ZNF804A: variants seen among roughly 807,000 people sequenced by gnomAD.
ZNF804A encodes zinc finger protein 804A.
A neutral mutation model predicts 16.5 loss-of-function variants in ZNF804A; 2 were observed. The observed-to-expected ratio is 0.12, with a 90% CI of 0.05 to 0.38. ZNF804A has a LOEUF of 0.38. Ranked by LOEUF, ZNF804A falls within the 10% of genes least tolerant of loss-of-function variation. ZNF804A has a pLI of 0.99. For synonymous variants in ZNF804A, 534 were observed against 489.6 expected (o/e 1.09, Z -1.20); for missense variants, 1,473 against 1,390.7 (o/e 1.06, Z -0.94).
chr2:184,898,004 C>A (rs988631682), intron 2 of ZNF804A, among the ~76,000 whole-genome samples: 6 of 152,074 alleles, frequency 3.9e-5, no homozygotes, highest in African/African-American at 1.4e-4. Context: ...TATTGCTAAG[C>A]TTTTCAGCTA....
In ZNF804A at chr2:184,736,454, C is replaced by T. The variant is rs147022139; in HGVS notation, c.112-129915C>T. On this transcript the variant is annotated intron_variant, in intron 1 of 3. Coordinates refer to ENST00000302277, the MANE Select transcript of ZNF804A (RefSeq NM_194250.2). ...AATGAGATCATGTCCTTTGCAGAGA[C>T]GTGGATGAAGCTGGAAATCATCATC... Among the ~76,000 whole-genome samples the T allele has an allele frequency of 4.2e-3, 636 of 152,156 alleles. 2 individuals carry two copies. Among genetic ancestry groups the T allele is most frequent in the Non-Finnish European group, 7.4e-3 (506 of 68,002 alleles).
At chr2:184,685,735 G>T (rs181025219) in intron 1 of ZNF804A, among the ~76,000 whole-genome samples, 2 of 152,256 alleles carry the variant, frequency 1.3e-5, no homozygotes, top group East Asian at 3.9e-4. Flanking sequence ...TTCATTCCAG[G>T]CCATGGACTC....
chr2:184,686,507 T>C (rs1692636091), intron 1 of ZNF804A, among the ~76,000 whole-genome samples: 1 of 152,206 alleles, frequency 6.6e-6, no homozygotes, highest in Non-Finnish European at 1.5e-5. Flanking sequence ...AGTGAACATA[T>C]GAGTTCATGT....
At position 184,870,939 on chromosome 2, in the gene ZNF804A, C is replaced by T. The variant is rs1433751031; in HGVS notation, c.255+4427C>T. ...TATAATATATGCACTCTATAAAATT[C>T]TTCACATGCATAAAACCATTTAATG... On this transcript the variant is annotated intron_variant, in intron 2 of 3. Transcript: ENST00000302277. Among the ~76,000 whole-genome samples, 4 of 151,644 alleles carry T rather than the reference C, an allele frequency of 2.6e-5. No individual in the cohort carries two copies. The Admixed American group carries it at 2.6e-4, about 10-fold the overall frequency.
At chr2:184,601,141 G>A (rs1271648236) in intron 1 of ZNF804A, among the ~76,000 whole-genome samples, 4 of 152,008 alleles carry the variant, frequency 2.6e-5, no homozygotes, top group African/African-American at 9.7e-5. Flanking sequence ...TTTCATATAT[G>A]ATGTGAATAT....
chr2:184,878,811 G>T (rs978749140), intron 2 of ZNF804A, among the ~76,000 whole-genome samples: 1 of 151,940 alleles, frequency 6.6e-6, no homozygotes, highest in South Asian at 2.1e-4. Flanking sequence ...TATTATTGTT[G>T]ATAATAAAAA....
At chr2:184,636,421 G>T (rs1017511566) in intron 1 of ZNF804A, among the ~76,000 whole-genome samples, 15 of 130,240 alleles carry the variant, frequency 1.2e-4, no homozygotes, top group Non-Finnish European at 1.8e-4. Flanking sequence ...CTGGCTCTAG[G>T]GCTGTGTGTG....
At chr2:184,877,790 C>G (rs980660764) in intron 2 of ZNF804A, among the ~76,000 whole-genome samples, 2 of 151,814 alleles carry the variant, frequency 1.3e-5, no homozygotes, top group Non-Finnish European at 2.9e-5. Flanking sequence ...TTGTTACTTC[C>G]CCTTTGATGA....
intron 1 of ZNF804A, among the ~76,000 whole-genome samples, chr2:184,843,806 A>T (rs1213948894): frequency 6.6e-6 from 1 of 152,144 alleles, no homozygotes; most frequent in East Asian, 1.9e-4. Flanking sequence ...AAAAATAGTT[A>T]GTCTGGCTTT....
intron 1 of ZNF804A, among the ~76,000 whole-genome samples, chr2:184,803,389 T>A (rs899585073): frequency 2.6e-5 from 4 of 152,168 alleles, no homozygotes; most frequent in Admixed American, 6.5e-5. Context: ...TCCTTTATAT[T>A]CACATAGCAT....
intron 1 of ZNF804A, among the ~76,000 whole-genome samples, chr2:184,606,802 C>T (rs958336871): frequency 2.6e-5 from 4 of 151,488 alleles, no homozygotes; most frequent in African/African-American, 9.7e-5. Flanking sequence ...ATCACTGAGT[C>T]AGTTTGTTAA....
intron 1 of ZNF804A, among the ~76,000 whole-genome samples, chr2:184,683,472 A>G (rs753549977): frequency 6.6e-6 from 1 of 152,100 alleles, no homozygotes; most frequent in Non-Finnish European, 1.5e-5. Flanking sequence ...AAGTGTTTTG[A>G]CTTGCTTCCA....
chr2:184,849,468 G>A (rs185414210), intron 1 of ZNF804A, among the ~76,000 whole-genome samples: 62 of 151,994 alleles, frequency 4.1e-4, no homozygotes, highest in Admixed American at 2.0e-3. Context: ...TAGGCTGCTA[G>A]TATTATATGA....
intron 1 of ZNF804A, among the ~76,000 whole-genome samples, chr2:184,854,477 G>A (rs1695657626): frequency 6.6e-6 from 1 of 151,976 alleles, no homozygotes; most frequent in Non-Finnish European, 1.5e-5. Flanking sequence ...ATTACCCACT[G>A]TATTTTTGCT....
chr2:184,612,124 C>T (rs978954660), intron 1 of ZNF804A, among the ~76,000 whole-genome samples: 6 of 151,712 alleles, frequency 4.0e-5, no homozygotes, highest in Admixed American at 3.9e-4. Flanking sequence ...CATTATTAAC[C>T]AAAATAAAGG....
At chr2:184,850,478 A>G (rs1261090247) in intron 1 of ZNF804A, among the ~76,000 whole-genome samples, 1 of 151,906 alleles carries the variant, frequency 6.6e-6, no homozygotes, top group African/African-American at 2.4e-5. Context: ...GGATTTCCAG[A>G]TGAATTTATT....
chr2:184,745,471 A>T (rs1408424980), intron 1 of ZNF804A, among the ~76,000 whole-genome samples: 1 of 151,682 alleles, frequency 6.6e-6, no homozygotes, highest in Non-Finnish European at 1.5e-5. Context: ...TATTTAAATC[A>T]ACGTTTTACT....
intron 2 of ZNF804A, among the ~76,000 whole-genome samples, chr2:184,922,508 C>T (rs982043349): frequency 2.6e-5 from 4 of 151,894 alleles, no homozygotes; most frequent in Non-Finnish European, 1.5e-5. Flanking sequence ...AATGCCTTGT[C>T]AGATGGGTAG....
intron 2 of ZNF804A, among the ~76,000 whole-genome samples, chr2:184,907,229 C>T (rs1372619578): frequency 6.6e-6 from 1 of 152,118 alleles, no homozygotes; most frequent in African/African-American, 2.4e-5. Context: ...TAATTTTTTA[C>T]ACAGCAGTAG....
Sources: gnomAD v4.1 joint callset for allele counts (sites outside exome capture counted in the v4.1 genomes callset) on GRCh38, gnomAD v4.1.1 for gene constraint, MANE v1.5 for transcripts, NCBI Gene and HGNC (gene_info 2026-07-23, HGNC 2026-07-21) for gene names.